The following ALAS2 variants were observed in gnomAD, a reference collection of about 807,000 sequenced individuals.
The protein encoded by ALAS2 is 5-aminolevulinate synthase, erythroid-specific, mitochondrial.
Under a neutral mutation model 33.7 loss-of-function variants are expected in ALAS2, and 3 were observed. The observed-to-expected ratio is 0.09, with a 90% CI of 0.04 to 0.23. The LOEUF (loss-of-function observed/expected upper bound fraction) is 0.23. ALAS2 is among the 10% of genes least tolerant of loss of function. ALAS2 has a pLI of 1.00. For synonymous variants in ALAS2, 191 were observed against 177.3 expected, an observed-to-expected ratio of 1.08 and a Z score of -0.61; for missense variants, 304 against 475.1, an observed-to-expected ratio of 0.64 and a Z score of 3.35.
At chrX:55,022,809 A>G (rs779443149) in intron 4 of ALAS2, among the ~76,000 whole-genome samples, 1 of 111,993 alleles carries the variant, frequency 8.9e-6, no homozygotes, top group Non-Finnish European at 1.9e-5. Flanking sequence ...TATACTACAA[A>G]ATATTTTGAA....
intron 10 of ALAS2, among the ~76,000 whole-genome samples, chrX:55,012,805 A>G (rs1248258134): frequency 8.9e-6 from 1 of 111,995 alleles, no homozygotes; most frequent in Non-Finnish European, 1.9e-5. Flanking sequence ...AAAAACAAAA[A>G]CAAAAACAAA....
At chrX:55,017,414 T>C in intron 7 of ALAS2, 72 bp downstream of exon 7, 1 of 963,006 alleles carries the variant, frequency 1.0e-6, no homozygotes, top group Non-Finnish European at 1.5e-6. Context: ...GTTATCGTCA[T>C]CATCATCATC....
chrX:55,015,816 A>G, intron 7 of ALAS2, 74 bp from the exon 8 acceptor site: 1 of 1,119,125 alleles, frequency 8.9e-7, no homozygotes, highest in Non-Finnish European at 1.2e-6. Context: ...GGAATTTCCC[A>G]TACATGCCTA....
chrX:55,030,623 G>A (rs369750538), intron 1 of ALAS2, among the ~76,000 whole-genome samples: 5 of 111,257 alleles, frequency 4.5e-5, no homozygotes, highest in South Asian at 3.8e-4. Flanking sequence ...GGGAGAGAAA[G>A]AAATTTAGAG....
rs778388971 is a variant in ALAS2 at position 55,009,266 on chromosome X, G to A, written c.1678C>T (p.Arg560Cys). Reference protein sequence around the residue: ...VSVAACNFCRRPVHFELMSEW... With the variant: ...VSVAACNFCRCPVHFELMSEW... ...CTCATGAGCTCAAAGTGTACAGGAC[G>A]GCGACAGAAATTGCAGGCAGCCACA... The change falls in exon 11 of 11, where the codon CGT (arginine) becomes TGT (cysteine). Residue 560 changes from arginine (R) to cysteine (C), a missense_variant. Coordinates refer to ENST00000650242, the MANE Select transcript of ALAS2 (RefSeq NM_000032.5). 1.5e-5 allele frequency: 18 copies of A among 1,204,224 alleles called. No individual in the cohort carries two copies. The South Asian group carries it at 1.6e-4, about 11-fold the overall frequency.
Position 55,009,260 on chromosome X carries a change from C to A in ALAS2, c.1684G>T (p.Val562Leu). 8.3e-7 allele frequency: 1 copy of A among 1,206,352 alleles called. No homozygotes were observed. Among genetic ancestry groups the A allele is most frequent in the Non-Finnish European group, 1.1e-6 (1 of 893,020 alleles). Residue 562 changes from valine (V) to leucine (L), a missense_variant, in exon 11 of 11, where the codon GTA (valine) becomes TTA (leucine). By Grantham distance (32) the Val-to-Leu change is conservative. This residue lies in a region of ALAS2 where 95 missense variants were observed against 127.0 expected (regional missense o/e 0.75). Transcript: ENST00000650242. ...CACTCACTCATGAGCTCAAAGTGTA[C>A]AGGACGGCGACAGAAATTGCAGGCA... ...VAACNFCRRP[V>L]HFELMSEWER...
At chrX:55,025,759 A>C in intron 2 of ALAS2, 61 bp downstream of exon 2, 2 of 1,117,472 alleles carry the variant, frequency 1.8e-6, no homozygotes, top group Non-Finnish European at 1.2e-6. Flanking sequence ...GGCCAGTATA[A>C]CTTGGAACTT....
intron 6 of ALAS2, among the ~76,000 whole-genome samples, chrX:55,018,462 G>GAA (rs1935741995): frequency 9.0e-6 from 1 of 111,576 alleles, no homozygotes; most frequent in South Asian, 3.8e-4. Context: ...AAGCAGACTG[G>GAA]GAGTTGCATG....
At position 55,023,858 on chromosome X, in the gene ALAS2, C is replaced by G; in HGVS notation, c.314G>C (p.Ser105Thr). Residue 105 changes from serine (S) to threonine (T), a missense_variant, in exon 4 of 11, where the codon AGC (serine) becomes ACC (threonine). By Grantham distance (58) the Ser-to-Thr change is moderately conservative (BLOSUM62 1). Transcript: ENST00000650242. ...CCTTAGGCTGACTGAGACCAGGGAG[C>G]TAGGCAGATCTGAGACGGAATGTGA... ...DVKAFKTDLPSSLVSVSLRKP... is the reference protein window; with the variant it reads ...DVKAFKTDLPTSLVSVSLRKP... 1 of 1,203,965 alleles carries G rather than the reference C, an allele frequency of 8.3e-7. No homozygotes were observed. Among genetic ancestry groups the G allele is most frequent in the Non-Finnish European group, 1.1e-6 (1 of 889,157 alleles).
chrX:55,012,077 C>T (rs971307522), intron 10 of ALAS2, among the ~76,000 whole-genome samples: 2 of 111,809 alleles, frequency 1.8e-5, no homozygotes, highest in Non-Finnish European at 3.8e-5. Context: ...TGTTAGCCAG[C>T]ATTATTTAAT....
intron 10 of ALAS2, 31 bp downstream of exon 10, chrX:55,013,455 G>C (rs369770398): frequency 2.5e-6 from 3 of 1,183,219 alleles, no homozygotes; most frequent in Non-Finnish European, 3.4e-6. Context: ...AGGGGAGGGA[G>C]GTCCTGTAGG....
Position 55,020,996 on chromosome X carries a change from TGTGTGG to T in ALAS2, c.638+50_638+55del. ...CAGCTCTGCCTTTTTTTTTTTTCCA[TGTGTGG>T]TTTTTCATCTCCTCTGGCCACTGCT... On this transcript the variant is annotated intron_variant, in intron 5 of 10. Coordinates refer to ENST00000650242, the MANE Select transcript of ALAS2 (RefSeq NM_000032.5). 1.0e-5 allele frequency: 11 copies of T among 1,067,383 alleles called. No individual in the cohort carries two copies. In the Admixed American group the frequency reaches 2.3e-4, roughly 22 times the overall value. 88.0% of individuals were successfully genotyped at this position (1,067,383 alleles called of 1,213,427 possible).
In ALAS2 at chrX:55,013,523, G is replaced by C; in HGVS notation, c.1563C>G (p.Ser521=). 4.1e-6 allele frequency: 5 copies of C among 1,211,537 alleles called. No homozygotes were observed. ...RGEELLRLAP[S]PHHSPQMMED... is the part of the protein sequence containing the mutation. ...CCATCATCTGAGGGCTGTGGTGGGG[G>C]GAGGGTGCCAAGCGCAGGAGCTCTT... is the stretch of plus-strand genomic sequence containing the variant. Residue 521 remains serine, a synonymous_variant, in exon 10 of 11, where the codon TCC becomes TCG. Coordinates refer to ENST00000650242, the MANE Select transcript of ALAS2 (RefSeq NM_000032.5).
intron 6 of ALAS2, 27 bp from the exon 7 acceptor site, chrX:55,017,692 A>C: frequency 8.3e-7 from 1 of 1,201,860 alleles, no homozygotes; most frequent in Non-Finnish European, 1.1e-6. Flanking sequence ...ATAATCCTTA[A>C]GCTTCTGTCC....
intron 1 of ALAS2, chrX:55,027,929 GT>G: frequency 5.1e-6 from 3 of 587,209 alleles, no homozygotes; most frequent in Non-Finnish European, 5.8e-6. Flanking sequence ...CTTTAGTATA[GT>G]TTTTGGCACA....
intron 4 of ALAS2, 133 bp downstream of exon 4, chrX:55,023,624 C>A: frequency 3.6e-6 from 2 of 553,954 alleles, no homozygotes; most frequent in South Asian, 2.7e-5. Context: ...CAGCAAGTGC[C>A]AGCATTAAAT....
At chrX:55,019,644 C>T (rs942052602) in intron 6 of ALAS2, among the ~76,000 whole-genome samples, 2 of 111,051 alleles carry the variant, frequency 1.8e-5, no homozygotes, top group African/African-American at 3.3e-5. Context: ...TGTATGAGCC[C>T]GGAATTGATA....
chrX:55,020,626 G>A, intron 5 of ALAS2, 122 bp from the exon 6 acceptor site: 2 of 701,521 alleles, frequency 2.9e-6, no homozygotes, highest in Admixed American at 5.7e-5. Context: ...TATAAACTGT[G>A]TCCTATGAGA....
At chrX:55,009,528 A>T (rs972591387) in intron 10 of ALAS2, among the ~76,000 whole-genome samples, 185 bp from the exon 11 acceptor site, 2 of 111,449 alleles carry the variant, frequency 1.8e-5, no homozygotes, top group Non-Finnish European at 3.8e-5. Context: ...GGATGCTGGG[A>T]TATATATTAT....
Sources: gnomAD v4.1 joint callset for allele counts (sites outside exome capture counted in the v4.1 genomes callset) on GRCh38, gnomAD v4.1.1 for gene constraint, gnomAD v4.1.1 regional missense constraint, MANE v1.5 for transcripts, NCBI Gene and HGNC (gene_info 2026-07-23, HGNC 2026-07-21) for gene names.